The following CD3E variants were observed in gnomAD, a reference collection of about 807,000 sequenced individuals.
CD3E encodes T-cell surface glycoprotein CD3 epsilon chain.
CD3E carries 16 observed loss-of-function variants against 34.7 expected under a neutral mutation model. That is an observed-to-expected ratio of 0.46 (90% CI 0.31 to 0.70). CD3E has a LOEUF of 0.70. CD3E is among the 30% of genes least tolerant of loss of function. The pLI is 0.05. For missense variants in CD3E, 223 were observed against 253.9 expected, an observed-to-expected ratio of 0.88 and a Z score of 0.83; for synonymous variants, 70 against 90.8, an observed-to-expected ratio of 0.77 and a Z score of 1.30.
chr11:118,305,821 G>A (rs1218771953), intron 2 of CD3E, among the ~76,000 whole-genome samples: 1 of 152,186 alleles, frequency 6.6e-6, no homozygotes, highest in African/African-American at 2.4e-5. Context: ...ACTCTAAATG[G>A]CTGCACCACA....
chr11:118,307,206 T>A, intron 2 of CD3E, 82 bp from the exon 3 acceptor site: 1 of 1,083,648 alleles, frequency 9.2e-7, no homozygotes, highest in Non-Finnish European at 1.4e-6. Flanking sequence ...GTGGTCATAC[T>A]GCAACACAGC....
chr11:118,310,568 A>G (rs1565510828), intron 4 of CD3E, among the ~76,000 whole-genome samples: 1 of 152,234 alleles, frequency 6.6e-6, no homozygotes, highest in African/African-American at 2.4e-5. Flanking sequence ...TATTGTGAAT[A>G]GTGCACAATG....
chr11:118,309,531 G>A (rs1948124826), intron 4 of CD3E, among the ~76,000 whole-genome samples: 1 of 152,180 alleles, frequency 6.6e-6, no homozygotes, highest in South Asian at 2.1e-4. Flanking sequence ...AGCTGAGATT[G>A]TGCCATTGCA....
Position 118,314,331 on chromosome 11 carries a change from C to T in CD3E, c.521-117C>T, listed in dbSNP as rs759794087. 1.6e-5 allele frequency: 13 copies of T among 802,568 alleles called. 1 individual carries two copies. Among genetic ancestry groups the T allele is most frequent in the Admixed American group, 1.4e-4 (7 of 50,294 alleles). The allele number at this position is 802,568 out of a possible 1,614,324, so 49.7% of individuals were successfully genotyped here. A position where few individuals can be genotyped will look rare whatever the true frequency, so the allele number is the denominator to read the frequency against. On this transcript the variant is annotated intron_variant, in intron 7 of 8. Transcript: ENST00000361763. ...AAGGACGTCTGAACAGAAAAGGGAG[C>T]GGTAGAGGAGAGAACAATGGGGTTT...
At chr11:118,310,619 AG>A (rs1264335179) in intron 4 of CD3E, among the ~76,000 whole-genome samples, 1 of 152,228 alleles carries the variant, frequency 6.6e-6, no homozygotes, top group Non-Finnish European at 1.5e-5. Flanking sequence ...ACAGACATCT[AG>A]ACCCTTGTGT....
rs1198821495 is a variant in CD3E at position 118,316,093 on chromosome 11, A to G, written c.*551A>G. 1 of 130,438 alleles carries G rather than the reference A, an allele frequency of 7.7e-6. No individual in the cohort carries two copies. Among genetic ancestry groups the G allele is most frequent in the Non-Finnish European group, 1.5e-5 (1 of 66,374 alleles). The allele number at this position is 130,438 out of a possible 1,614,324, so 8.1% of individuals were successfully genotyped here. A position where few individuals can be genotyped will look rare whatever the true frequency, so the allele number is the denominator to read the frequency against. On this transcript the variant is annotated 3_prime_UTR_variant, in exon 9 of 9. Coordinates refer to ENST00000361763, the MANE Select transcript of CD3E (RefSeq NM_000733.4). ...CTCCACCCCCCCTCCACTGTAGGCC[A>G]CTGGATGGTCATTTGCATCTCCGTA...
chr11:118,313,576 G>T (rs753248806), intron 6 of CD3E, 131 bp from the exon 7 acceptor site: 14 of 828,698 alleles, frequency 1.7e-5, no homozygotes, highest in Non-Finnish European at 2.2e-5. Flanking sequence ...CATATTGAAG[G>T]GGGGGCTCTG....
At position 118,312,541 on chromosome 11, in the gene CD3E, G is replaced by A. The variant is rs965330175; in HGVS notation, c.104-77G>A. 35 of 1,534,920 alleles carry A rather than the reference G, an allele frequency of 2.3e-5. No individual in the cohort carries two copies. The Admixed American group carries it at 5.0e-4, about 22-fold the overall frequency. On this transcript the variant is annotated intron_variant, in intron 5 of 8. Coordinates refer to ENST00000361763, the MANE Select transcript of CD3E (RefSeq NM_000733.4). ...ATGACAGATGACTTCCTGCATTTGG[G>A]TGGTTCTTTTGTCACTAATTTGCCT...
chr11:118,314,800 T>G (rs1948156481), intron 8 of CD3E, among the ~76,000 whole-genome samples: 1 of 152,134 alleles, frequency 6.6e-6, no homozygotes, highest in Non-Finnish European at 1.5e-5. Flanking sequence ...TCTAACACAA[T>G]AAATTCTGGG....
At chr11:118,313,576 G>C (rs753248806) in intron 6 of CD3E, 131 bp from the exon 7 acceptor site, 1 of 828,818 alleles carries the variant, frequency 1.2e-6, no homozygotes, top group Non-Finnish European at 2.0e-6. Context: ...CATATTGAAG[G>C]GGGGGCTCTG....
intron 2 of CD3E, among the ~76,000 whole-genome samples, chr11:118,306,117 T>C (rs1948103864): frequency 6.6e-6 from 1 of 152,088 alleles, no homozygotes; most frequent in Non-Finnish European, 1.5e-5. Flanking sequence ...AGGGGCAGGA[T>C]GTGACTCCTG....
chr11:118,309,438 T>C (rs989139050), intron 4 of CD3E, among the ~76,000 whole-genome samples: 1 of 152,100 alleles, frequency 6.6e-6, no homozygotes, highest in Non-Finnish European at 1.5e-5. Context: ...TAGCCAGGCA[T>C]GGTGGCAGGT....
chr11:118,304,999 C>G lies in CD3E; in HGVS notation c.47C>G (p.Ser16Ter). 1.2e-6 allele frequency: 2 copies of G among 1,613,776 alleles called. No homozygotes were observed. The highest frequency in any genetic ancestry group is 8.5e-7 in the Non-Finnish European group (1 of 1,179,652). Reference sequence around the variant, plus strand: ...AGAGTTCTGGGCCTCTGCCTCTTATCAGGTGAGTAGGATGGAGTGGAAAGG... The same window carrying G: ...AGAGTTCTGGGCCTCTGCCTCTTATGAGGTGAGTAGGATGGAGTGGAAAGG... Reference protein sequence around the residue: ...HWRVLGLCLLSVGVWGQDGNE... With the variant: ...HWRVLGLCLL The change falls in exon 2 of 9, where the codon TCA (serine) becomes TGA (stop). Residue 16 changes from serine (S) to a stop codon, truncating the protein, a stop_gained and splice_region_variant. Coordinates refer to ENST00000361763, the MANE Select transcript of CD3E (RefSeq NM_000733.4). LOFTEE classifies it high-confidence loss of function.
chr11:118,307,360 T>C, intron 3 of CD3E, 52 bp downstream of exon 3: 2 of 1,524,184 alleles, frequency 1.3e-6, no homozygotes, highest in Non-Finnish European at 9.0e-7. Flanking sequence ...CATCATTCTT[T>C]GTAGTTATGA....
intron 2 of CD3E, 151 bp downstream of exon 2, chr11:118,305,152 G>A: frequency 1.2e-6 from 1 of 828,644 alleles, no homozygotes; most frequent in Non-Finnish European, 2.0e-6. Flanking sequence ...TTAGAGCTGG[G>A]GACTAAAGAA....
At chr11:118,312,287 T>C in intron 5 of CD3E, 117 bp downstream of exon 5, 1 of 967,494 alleles carries the variant, frequency 1.0e-6, no homozygotes, top group Non-Finnish European at 1.7e-6. Flanking sequence ...CAGCATTGCA[T>C]TCTCAACTCC....
chr11:118,306,708 G>A (rs1948108718), intron 2 of CD3E, among the ~76,000 whole-genome samples: 1 of 152,092 alleles, frequency 6.6e-6, no homozygotes, highest in South Asian at 2.1e-4. Flanking sequence ...TCATTGTAAT[G>A]AATCCAGGGT....
chr11:118,308,454 C>G lies in CD3E; in HGVS notation c.85+13C>G. On this transcript the variant is annotated intron_variant, in intron 4 of 8. Transcript: ENST00000361763. ...AATGAAGAAATGGGTAAGAAGATTT[C>G]CACTCTATCTAGCAAAAGTTTTCAA... 1 of 1,567,186 alleles carries G rather than the reference C, an allele frequency of 6.4e-7. No homozygotes were observed. The highest frequency in any genetic ancestry group is 8.8e-7 in the Non-Finnish European group (1 of 1,139,852).
In CD3E at chr11:118,312,095, A is replaced by G. The variant is rs191862547; in HGVS notation, c.86-58A>G. The stretch of plus-strand genomic sequence containing the variant: ...TAATTCCACTAGAAAAGTTTTACCT[A>G]CAATTTAAACTTAAACCATGATATT... On this transcript the variant is annotated intron_variant, in intron 4 of 8. Coordinates refer to ENST00000361763, the MANE Select transcript of CD3E (RefSeq NM_000733.4). 3.5e-4 allele frequency: 522 copies of G among 1,509,640 alleles called. 1 individual carries two copies. In the African/African-American group the frequency reaches 6.5e-3, roughly 19 times the overall value. 93.5% of individuals were successfully genotyped at this position (1,509,640 alleles called of 1,614,324 possible).
Sources: allele counts gnomAD v4.1 joint callset (sites outside exome capture counted in the v4.1 genomes callset), GRCh38; gene constraint gnomAD v4.1.1; transcripts MANE v1.5; gene names NCBI Gene and HGNC (gene_info 2026-07-23, HGNC 2026-07-21).